The following CUX2 variants were observed in gnomAD, a reference collection of about 807,000 sequenced individuals.
CUX2 encodes homeobox protein cut-like 2.
CUX2 carries 40 observed loss-of-function variants against 144.8 expected under a neutral mutation model. That is an observed-to-expected ratio of 0.28 (90% CI 0.21 to 0.36). The LOEUF (loss-of-function observed/expected upper bound fraction) is 0.36. Among genes scored for constraint, CUX2 ranks in the 10% least tolerant of loss-of-function variants. The pLI, the probability that CUX2 is intolerant of heterozygous loss-of-function variation, is 1.00. For synonymous variants in CUX2, 827 were observed against 875.6 expected, an observed-to-expected ratio of 0.94 and a Z score of 0.98; for missense variants, 1,615 against 1,994.0, an observed-to-expected ratio of 0.81 and a Z score of 3.62.
chr12:111,348,494 T>C lies in CUX2; in HGVS notation c.*169T>C. The C allele has an allele frequency of 2.9e-6, 2 of 691,916 alleles. No individual in the cohort carries two copies. Among genetic ancestry groups the C allele is most frequent in the Non-Finnish European group, 4.7e-6 (2 of 423,258 alleles). The allele number at this position is 691,916 out of a possible 1,614,324, so 42.9% of individuals were successfully genotyped here. On this transcript the variant is annotated 3_prime_UTR_variant, in exon 22 of 22. Coordinates refer to ENST00000261726, the MANE Select transcript of CUX2 (RefSeq NM_015267.4). ...GTAATCCTAGTTCTATGAAGCTGTGTGAGCAGGTGGGTCAAATGCCATTGC... is the reference window on the plus strand; with the variant it reads ...GTAATCCTAGTTCTATGAAGCTGTGCGAGCAGGTGGGTCAAATGCCATTGC...
rs1055701649 is a variant in CUX2, at chr12:111,323,459, G to A, written c.2926+879G>A. Among the ~76,000 whole-genome samples the A allele has an allele frequency of 2.6e-5, 4 of 152,312 alleles. No homozygotes were observed. In the South Asian group the frequency reaches 8.3e-4, roughly 32 times the overall value. Reference sequence around the variant, plus strand: ...ACCTACAGGATGAGACTGCACACTGGTGTAGCTGTATGGCTGCAGACTTAT... The same window carrying A: ...ACCTACAGGATGAGACTGCACACTGATGTAGCTGTATGGCTGCAGACTTAT... On this transcript the variant is annotated intron_variant, in intron 18 of 21. Coordinates refer to ENST00000261726, the MANE Select transcript of CUX2 (RefSeq NM_015267.4).
At chr12:111,154,386 A>G (rs991221684) in intron 1 of CUX2, among the ~76,000 whole-genome samples, 1 of 152,178 alleles carries the variant, frequency 6.6e-6, no homozygotes, top group Non-Finnish European at 1.5e-5. Context: ...TCCACCAGGC[A>G]GGAGCCCAGG....
intron 1 of CUX2, among the ~76,000 whole-genome samples, chr12:111,193,064 A>G (rs1163065933): frequency 6.6e-6 from 1 of 152,334 alleles, no homozygotes; most frequent in East Asian, 1.9e-4. Flanking sequence ...GAATAAATGA[A>G]TGAGTTGGGT....
rs1271903233 is a variant in CUX2 at position 111,320,166 on chromosome 12, G to A, written c.2157G>A (p.Arg719=). 2 of 1,539,172 alleles carry A rather than the reference G, an allele frequency of 1.3e-6. No homozygotes were observed. The highest frequency in any genetic ancestry group is 1.2e-5 in the South Asian group (1 of 83,640). ...QALLEMEVAP[R]GRSVPPSPPE... is the part of the protein sequence containing the mutation. ...TGCTGGAGATGGAGGTGGCGCCCAG[G>A]GGCCGCTCGGTGCCCCCCTCGCCCC... Residue 719 remains arginine (R), a synonymous_variant, in exon 17 of 22, where the codon AGG becomes AGA. Transcript: ENST00000261726. This position sits in a 1 kb window ranked among gnomAD's most constrained non-coding sequence, Gnocchi z 8.1.
chr12:111,345,237 C>A (rs1888742155), intron 21 of CUX2, among the ~76,000 whole-genome samples: 1 of 150,726 alleles, frequency 6.6e-6, no homozygotes, highest in Non-Finnish European at 1.5e-5. Context: ...ATCACGAAGT[C>A]AAGAGATCGA....
In CUX2 at chr12:111,160,713, G is replaced by A. The variant is rs1323632181; in HGVS notation, c.64-53487G>A. On this transcript the variant is annotated intron_variant, in intron 1 of 21. Coordinates refer to ENST00000261726, the MANE Select transcript of CUX2 (RefSeq NM_015267.4). This position sits in a 1 kb window ranked among gnomAD's most constrained non-coding sequence, Gnocchi z 4.1. ...CAGGGGATTCCTCTGGAACAGCACC[G>A]TGGGGGGCAGGCGGTGGCCTGGAGG... Among the ~76,000 whole-genome samples, 4 of 152,150 alleles carry A rather than the reference G, an allele frequency of 2.6e-5. No homozygotes were observed. The highest frequency in any genetic ancestry group is 6.5e-5 in the Admixed American group (1 of 15,286).
rs1290916117 is a variant in CUX2, at chr12:111,310,341, C to T, written c.1559C>T (p.Pro520Leu). 1.9e-6 allele frequency: 3 copies of T among 1,544,346 alleles called. No homozygotes were observed. Among genetic ancestry groups the T allele is most frequent in the Non-Finnish European group, 2.6e-6 (3 of 1,142,084 alleles). Residue 520 changes from proline (P) to leucine (L), a missense_variant, in exon 15 of 22, where the codon CCT becomes CTT. By Grantham distance (98) the Pro-to-Leu change is moderately conservative (BLOSUM62 -3). Around this residue, in one of 12 missense-constraint regions of CUX2, gnomAD observed 154 missense variants for 148.4 expected, o/e 1.04. Transcript: ENST00000261726. The surrounding 1 kb of genome is among the most constrained non-coding windows in gnomAD (Gnocchi z 7.9). The stretch of plus-strand genomic sequence containing the variant: ...TATGGCGCCAAGCCCCCCACAGCCC[C>T]TGCCACCCCGGCCCCTGGCCCTGAG... ...AFYGAKPPTA[P>L]ATPAPGPEPL...
At chr12:111,101,919 T>A (rs571348917) in intron 1 of CUX2, among the ~76,000 whole-genome samples, 2 of 152,320 alleles carry the variant, frequency 1.3e-5, no homozygotes, top group South Asian at 4.1e-4. Flanking sequence ...TACATGGGGA[T>A]GTTGTGAGAG....
intron 2 of CUX2, among the ~76,000 whole-genome samples, chr12:111,216,005 A>T (rs535829217): frequency 6.6e-6 from 1 of 152,320 alleles, no homozygotes; most frequent in South Asian, 2.1e-4. Context: ...GTCTCTCCTG[A>T]TGGAGAAAGT....
intron 1 of CUX2, among the ~76,000 whole-genome samples, chr12:111,206,117 CTTGAGCCCAGGAGT>C (rs1304073392): frequency 8.3e-4 from 126 of 152,320 alleles, no homozygotes; most frequent in African/African-American, 3.0e-3. Flanking sequence ...AGAAGGATTG[CTTGAGCCCAGGAGT>C]TTGAGGCCAG....
chr12:111,084,330 G>A (rs1872071917), intron 1 of CUX2, among the ~76,000 whole-genome samples: 1 of 152,152 alleles, frequency 6.6e-6, no homozygotes, highest in South Asian at 2.1e-4. Flanking sequence ...GGAGCAGGTG[G>A]AGGGACCCCA....
At position 111,320,339 on chromosome 12, in the gene CUX2, C is replaced by T. The variant is rs1887456728; in HGVS notation, c.2330C>T (p.Ser777Phe). The change falls in exon 17 of 22, where the codon TCC (serine) becomes TTC (phenylalanine). Residue 777 changes from serine (S) to phenylalanine (F), a missense_variant. Ser to Phe is a radical substitution (Grantham distance 155). This residue lies in a region of CUX2 where 390 missense variants were observed against 387.1 expected (regional missense o/e 1.01). Coordinates refer to ENST00000261726, the MANE Select transcript of CUX2 (RefSeq NM_015267.4). This position sits in a 1 kb window ranked among gnomAD's most constrained non-coding sequence, Gnocchi z 8.1. ...FVQSIIRKVK[S>F]EIGDAGYFDH... Reference sequence around the variant, plus strand: ...CAGAGCATCATCCGCAAGGTCAAGTCCGAGATCGGCGACGCCGGCTACTTC... The same window carrying T: ...CAGAGCATCATCCGCAAGGTCAAGTTCGAGATCGGCGACGCCGGCTACTTC... The T allele has an allele frequency of 1.9e-6, 3 of 1,598,056 alleles. No individual in the cohort carries two copies. Among genetic ancestry groups the T allele is most frequent in the Admixed American group, 1.7e-5 (1 of 59,952 alleles).
At chr12:111,079,937 A>G (rs1871778938) in intron 1 of CUX2, among the ~76,000 whole-genome samples, 1 of 152,212 alleles carries the variant, frequency 6.6e-6, no homozygotes, top group Non-Finnish European at 1.5e-5. Flanking sequence ...ATGGCAGTGG[A>G]AAAATACCCT....
At chr12:111,130,000 G>A (rs1242289328) in intron 1 of CUX2, among the ~76,000 whole-genome samples, 1 of 152,170 alleles carries the variant, frequency 6.6e-6, no homozygotes, top group East Asian at 1.9e-4. Context: ...GACATTTTGG[G>A]TCTCCTGGAA....
chr12:111,244,252 CT>C (rs1883166647), intron 3 of CUX2, among the ~76,000 whole-genome samples: 1 of 152,170 alleles, frequency 6.6e-6, no homozygotes, highest in African/African-American at 2.4e-5. Flanking sequence ...GTGATGGGCA[CT>C]TTCCACCCAG....
At chr12:111,254,882 C>T (rs1016232788) in intron 3 of CUX2, among the ~76,000 whole-genome samples, 2 of 152,116 alleles carry the variant, frequency 1.3e-5, no homozygotes, top group Non-Finnish European at 2.9e-5. Flanking sequence ...CGGAGCCTTG[C>T]GCTGTCACCC....
intron 1 of CUX2, among the ~76,000 whole-genome samples, chr12:111,162,949 G>T (rs1300226305): frequency 6.6e-6 from 1 of 152,022 alleles, no homozygotes; most frequent in Non-Finnish European, 1.5e-5. Flanking sequence ...GGGAGGCTGA[G>T]GCAGGAGAAT....
At position 111,307,397 on chromosome 12, in the gene CUX2, A is replaced by G; in HGVS notation, c.1109+140A>G. 1.3e-6 allele frequency: 1 copy of G among 762,066 alleles called. No homozygotes were observed. The highest frequency in any genetic ancestry group is 1.7e-5 in the African/African-American group (1 of 57,470). The allele number at this position is 762,066 out of a possible 1,614,324, so 47.2% of individuals were successfully genotyped here. ...CTAACACTGTGGATATCAAACCTTA[A>G]CCATCCTCAGGCCAGGTGCAGTGGC... On this transcript the variant is annotated intron_variant, in intron 12 of 21. Transcript: ENST00000261726. This position sits in a 1 kb window ranked among gnomAD's most constrained non-coding sequence, Gnocchi z 4.1.
Position 111,295,326 on chromosome 12 carries a change from T to A in CUX2, c.561-7T>A. On this transcript the variant is annotated splice_region_variant and splice_polypyrimidine_tract_variant and intron_variant, in intron 6 of 21. Coordinates refer to ENST00000261726, the MANE Select transcript of CUX2 (RefSeq NM_015267.4). The surrounding 1 kb of genome is among the most constrained non-coding windows in gnomAD (Gnocchi z 5.0). Reference sequence around the variant, plus strand: ...AGCCAGCACAAGCAGGCCTCGTCTCTCCGCAGGGGCCTTCAAGAAGTACAG... The same window carrying A: ...AGCCAGCACAAGCAGGCCTCGTCTCACCGCAGGGGCCTTCAAGAAGTACAG... 1 of 1,611,566 alleles carries A rather than the reference T, an allele frequency of 6.2e-7. No individual in the cohort carries two copies. The highest frequency in any genetic ancestry group is 8.5e-7 in the Non-Finnish European group (1 of 1,179,070).
Sources: allele counts gnomAD v4.1 joint callset (sites outside exome capture counted in the v4.1 genomes callset), GRCh38; gene constraint gnomAD v4.1.1; regional missense constraint gnomAD v4.1.1; non-coding constraint Gnocchi (gnomAD v3.1); transcripts MANE v1.5; gene names NCBI Gene and HGNC (gene_info 2026-07-23, HGNC 2026-07-21).